Variants in PIK3R5 observed in about 807,000 individuals in gnomAD.
PIK3R5 encodes the protein phosphoinositide 3-kinase regulatory subunit 5.
A neutral mutation model predicts 94.9 loss-of-function variants in PIK3R5; 32 were observed. The observed-to-expected ratio is 0.34, with a 90% CI of 0.25 to 0.45. The LOEUF (loss-of-function observed/expected upper bound fraction) is 0.45, where lower values mean the gene tolerates loss of function less well. PIK3R5 is among the 20% of genes least tolerant of loss of function. PIK3R5 has a pLI of 1.00. For synonymous variants in PIK3R5, 443 were observed against 479.4 expected (o/e 0.92, Z 0.99); for missense variants, 853 against 1,144.6 (o/e 0.75, Z 3.68).
chr17:8,912,701 C>G (rs981284795), intron 1 of PIK3R5, among the ~76,000 whole-genome samples: 1 of 152,224 alleles, frequency 6.6e-6, no homozygotes, highest in Non-Finnish European at 1.5e-5. Context: ...GAGCTCAGAG[C>G]TGAGCCATGC....
chr17:8,888,853 G>A lies in PIK3R5; in HGVS notation c.934C>T (p.Leu312Phe). ...TCATCTCCCAGGATCCCTGGCTGGAGTAGCTCCTGTTCCTTGAGCAGGATT... is the reference window on the plus strand; with the variant it reads ...TCATCTCCCAGGATCCCTGGCTGGAATAGCTCCTGTTCCTTGAGCAGGATT... ...QEILLKEQEL[L>F]QPGILGDDEE... Residue 312 changes from leucine (L) to phenylalanine (F), a missense_variant, in exon 10 of 19, where the codon CTC (leucine) becomes TTC (phenylalanine). Coordinates refer to ENST00000447110, the MANE Select transcript of PIK3R5 (RefSeq NM_001142633.3). This position sits in a 1 kb window ranked among gnomAD's most constrained non-coding sequence, Gnocchi z 7.8. 8.7e-6 allele frequency: 14 copies of A among 1,606,158 alleles called. No individual in the cohort carries two copies. Among genetic ancestry groups the A allele is most frequent in the Non-Finnish European group, 1.2e-5 (14 of 1,179,814 alleles).
chr17:8,900,122 A>G lies in PIK3R5; in HGVS notation c.412+4655T>C, dbSNP rs568862530. Among the ~76,000 whole-genome samples the G allele has an allele frequency of 1.2e-4, 18 of 152,308 alleles. No individual in the cohort carries two copies. In the South Asian group the frequency reaches 1.4e-3, roughly 12 times the overall value. Reference sequence around the variant, plus strand: ...AGGTAATTTTGTTTAACTATCTGTCATTAATTAGGGCTTAGGTTCTTTAAA... The same window carrying G: ...AGGTAATTTTGTTTAACTATCTGTCGTTAATTAGGGCTTAGGTTCTTTAAA... On this transcript the variant is annotated intron_variant, in intron 5 of 18. Coordinates refer to ENST00000447110, the MANE Select transcript of PIK3R5 (RefSeq NM_001142633.3).
intron 1 of PIK3R5, among the ~76,000 whole-genome samples, chr17:8,949,598 G>A (rs1438993809): frequency 1.3e-5 from 2 of 152,192 alleles, no homozygotes; most frequent in Non-Finnish European, 2.9e-5. Flanking sequence ...GGAGAATTCT[G>A]TAATGGCATT....
chr17:8,901,819 C>T (rs982904201), intron 5 of PIK3R5, among the ~76,000 whole-genome samples: 28 of 152,188 alleles, frequency 1.8e-4, no homozygotes, highest in African/African-American at 5.5e-4. Flanking sequence ...ATGACTTTGC[C>T]GCAGTATACT....
chr17:8,899,275 C>T (rs1376047422), intron 5 of PIK3R5, among the ~76,000 whole-genome samples: 1 of 152,190 alleles, frequency 6.6e-6, no homozygotes, highest in Non-Finnish European at 1.5e-5. Context: ...GCCACCCAGC[C>T]ACATCAAAGC....
At chr17:8,902,283 G>A (rs550458481) in intron 5 of PIK3R5, among the ~76,000 whole-genome samples, 2 of 113,162 alleles carry the variant, frequency 1.8e-5, no homozygotes, top group African/African-American at 6.8e-5. Context: ...TTTAGATGGA[G>A]TCTCGCTTTG....
At position 8,880,933 on chromosome 17, in the gene PIK3R5, C is replaced by T. The variant is rs768018359; in HGVS notation, c.2467G>A (p.Glu823Lys). The T allele has an allele frequency of 1.2e-6, 2 of 1,614,022 alleles. No individual in the cohort carries two copies. Among genetic ancestry groups the T allele is most frequent in the Admixed American group, 1.7e-5 (1 of 60,008 alleles). The change falls in exon 18 of 19, where the codon GAG (glutamate) becomes AAG (lysine). Residue 823 changes from glutamate to lysine, a missense_variant. Physicochemically the swap from Glu to Lys is moderately conservative, Grantham distance 56 (BLOSUM62 1). Around this residue, in one of 6 missense-constraint regions of PIK3R5, gnomAD observed 91 missense variants for 90.5 expected, o/e 1.01. Coordinates refer to ENST00000447110, the MANE Select transcript of PIK3R5 (RefSeq NM_001142633.3). ...ACTACACTCTGCAGGATCTTTCTCT[C>T]ATCCTGGTCCAGGCACACAGCAAAG... ...CPFAVCLDQD[E>K]RKILQSVVRC...
chr17:8,926,275 G>A (rs551205875), intron 1 of PIK3R5, among the ~76,000 whole-genome samples: 21 of 152,256 alleles, frequency 1.4e-4, no homozygotes, highest in African/African-American at 5.1e-4. Context: ...TAAGGAGAGA[G>A]AAGTGACAGA....
At chr17:8,914,271 G>A (rs1275135884) in intron 1 of PIK3R5, among the ~76,000 whole-genome samples, 1 of 152,330 alleles carries the variant, frequency 6.6e-6, no homozygotes, top group East Asian at 1.9e-4. Flanking sequence ...GGAAGGATAA[G>A]GGACTTGTTC....
chr17:8,936,937 C>A (rs1217365412), intron 1 of PIK3R5, among the ~76,000 whole-genome samples: 27 of 151,924 alleles, frequency 1.8e-4, no homozygotes, highest in Admixed American at 1.8e-3. Context: ...TTTTTTTATC[C>A]ATTTTATTGT....
At chr17:8,918,883 C>T (rs370570515) in intron 1 of PIK3R5, among the ~76,000 whole-genome samples, 3 of 152,190 alleles carry the variant, frequency 2.0e-5, no homozygotes, top group Admixed American at 1.3e-4. Flanking sequence ...GGGAAGGACA[C>T]GTCACTTCTT....
rs889097056 is a variant in PIK3R5, at chr17:8,945,506, A to G, written c.-14+20090T>C. The stretch of plus-strand genomic sequence containing the variant: ...GGACAGGACTGCTAGCAGCAGTGGG[A>G]AGAGGAAGGCTGGGCATCACAGCAA... On this transcript the variant is annotated intron_variant, in intron 1 of 18. Coordinates refer to ENST00000447110, the MANE Select transcript of PIK3R5 (RefSeq NM_001142633.3). This position sits in a 1 kb window ranked among gnomAD's most constrained non-coding sequence, Gnocchi z 4.0. Among the ~76,000 whole-genome samples, 1 of 152,198 alleles carries G rather than the reference A, an allele frequency of 6.6e-6. No individual in the cohort carries two copies. Among genetic ancestry groups the G allele is most frequent in the African/African-American group, 2.4e-5 (1 of 41,446 alleles).
chr17:8,900,883 G>A (rs541962695), intron 5 of PIK3R5, among the ~76,000 whole-genome samples: 1 of 152,196 alleles, frequency 6.6e-6, no homozygotes, highest in East Asian at 1.9e-4. Flanking sequence ...TTGAAACTGG[G>A]AAGTGGTCTC....
chr17:8,954,898 C>T lies in PIK3R5; in HGVS notation c.-14+10698G>A, dbSNP rs138843106. ...GTTGCAGTGAACTAAGATTGTGCCACTGCACTCCAGTCTGGGCAACAGGAG... is the reference window on the plus strand; with the variant it reads ...GTTGCAGTGAACTAAGATTGTGCCATTGCACTCCAGTCTGGGCAACAGGAG... On this transcript the variant is annotated intron_variant, in intron 1 of 18. Coordinates refer to ENST00000447110, the MANE Select transcript of PIK3R5 (RefSeq NM_001142633.3). 3.6e-3 allele frequency among the ~76,000 whole-genome samples: 534 copies of T among 147,018 alleles called. 1 individual carries two copies. Among genetic ancestry groups the T allele is most frequent in the African/African-American group, 0.013 (503 of 39,536 alleles).
intron 3 of PIK3R5, among the ~76,000 whole-genome samples, chr17:8,908,530 A>AACACAC (rs3138608): frequency 0.084 from 11,488 of 136,542 alleles, 490 homozygotes; most frequent in Middle Eastern, 0.12. Context: ...AAATAATTAA[A>AACACAC]ACACACACAC....
At chr17:8,887,835 C>CAA (rs35014801) in intron 10 of PIK3R5, 152 bp from the exon 11 acceptor site, 253 of 395,302 alleles carry the variant, frequency 6.4e-4, no homozygotes, top group South Asian at 1.2e-3. Context: ...TCTACTAAGA[C>CAA]AAAAAAAAAA....
chr17:8,899,767 C>T (rs750602481), intron 5 of PIK3R5, among the ~76,000 whole-genome samples: 3 of 152,108 alleles, frequency 2.0e-5, no homozygotes, highest in African/African-American at 4.8e-5. Flanking sequence ...AGGCTGGGCG[C>T]GGTGGCTCAT....
chr17:8,886,655 T>C, intron 12 of PIK3R5, 50 bp from the exon 13 acceptor site: 1 of 1,533,028 alleles, frequency 6.5e-7, no homozygotes, highest in Non-Finnish European at 8.8e-7. Flanking sequence ...GGTGGATAGA[T>C]GGTAAGAAGG....
rs377510704 is a variant in PIK3R5 at position 8,884,748 on chromosome 17, G to A, written c.2164C>T (p.Arg722Trp). The A allele has an allele frequency of 2.2e-5, 36 of 1,613,128 alleles. 1 individual carries two copies. Among genetic ancestry groups the A allele is most frequent in the South Asian group, 3.3e-5 (3 of 91,084 alleles). The change falls in exon 15 of 19, where the codon CGG (arginine) becomes TGG (tryptophan). Residue 722 changes from arginine to tryptophan, a missense_variant. Around this residue, in one of 6 missense-constraint regions of PIK3R5, gnomAD observed 173 missense variants for 274.1 expected, o/e 0.63. Transcript: ENST00000447110. This position sits in a 1 kb window ranked among gnomAD's most constrained non-coding sequence, Gnocchi z 5.8. Reference sequence around the variant, plus strand: ...TGTAGTGTTAGAGGAACAGCCTCCCGGTCGCCATCGATGCCCAGCCGCTTG... The same window carrying A: ...TGTAGTGTTAGAGGAACAGCCTCCCAGTCGCCATCGATGCCCAGCCGCTTG... ...GSKRLGIDGDREAVPLTLQII... is the reference protein window; with the variant it reads ...GSKRLGIDGDWEAVPLTLQII...
Sources: gnomAD v4.1 joint callset for allele counts (sites outside exome capture counted in the v4.1 genomes callset) on GRCh38, gnomAD v4.1.1 for gene constraint, gnomAD v4.1.1 regional missense constraint, Gnocchi (gnomAD v3.1) non-coding constraint, MANE v1.5 for transcripts, NCBI Gene and HGNC (gene_info 2026-07-23, HGNC 2026-07-21) for gene names.